Variants in COL4A6 observed in about 807,000 individuals in gnomAD.
COL4A6 encodes the protein collagen type IV alpha 6 chain.
In COL4A6, 59 loss-of-function variants were observed where a neutral mutation model predicts 126.7. The ratio of observed to expected loss-of-function variants is 0.47; its 90% CI spans 0.38 to 0.58. The LOEUF (loss-of-function observed/expected upper bound fraction) is 0.58. COL4A6 is among the 20% of genes least tolerant of loss of function. The pLI, the probability that COL4A6 is intolerant of heterozygous loss-of-function variation, is 0.00. For synonymous variants in COL4A6, 547 were observed against 496.6 expected (o/e 1.10, Z -1.35); for missense variants, 1,285 against 1,337.3 (o/e 0.96, Z 0.61).
chrX:108,260,706 G>C (rs1056652361), intron 3 of COL4A6, among the ~76,000 whole-genome samples: 2 of 110,509 alleles, frequency 1.8e-5, no homozygotes, highest in Admixed American at 9.7e-5. Flanking sequence ...GACTAATGCA[G>C]TAAACACGTT....
At chrX:108,315,344 C>T (rs1238224548) in intron 2 of COL4A6, among the ~76,000 whole-genome samples, 2 of 110,899 alleles carry the variant, frequency 1.8e-5, no homozygotes, top group Middle Eastern at 4.6e-3. Context: ...AGGTTCAAGC[C>T]ATTCTCTGCC....
Position 108,187,851 on chromosome X carries a change from A to G in COL4A6, c.1764T>C (p.Leu588=). 8.3e-7 allele frequency: 1 copy of G among 1,201,874 alleles called. No homozygotes were observed. The highest frequency in any genetic ancestry group is 1.8e-5 in the South Asian group (1 of 55,327). ...GVPGLPGLPG[L]PGDGGQGFPG... Reference sequence around the variant, plus strand: ...CACCTAGGAACGATCAACTTACCGGAAGGCCTGGCAGACCTGGTAAACCTG... The same window carrying G: ...CACCTAGGAACGATCAACTTACCGGGAGGCCTGGCAGACCTGGTAAACCTG... The change falls in exon 22 of 45, where the codon CTT becomes CTC. Residue 588 remains leucine, a synonymous_variant. Transcript: ENST00000334504.
At chrX:108,200,242 A>T (rs772348552) in intron 13 of COL4A6, among the ~76,000 whole-genome samples, 2 of 112,795 alleles carry the variant, frequency 1.8e-5, no homozygotes, top group South Asian at 7.3e-4. Flanking sequence ...TAAATGATAT[A>T]TTTTACTTAA....
At chrX:108,283,039 C>A (rs895732873) in intron 3 of COL4A6, among the ~76,000 whole-genome samples, 1 of 100,853 alleles carries the variant, frequency 9.9e-6, no homozygotes, top group Non-Finnish European at 2.0e-5. Context: ...GGAGATATAC[C>A]TAATGCTAAA....
intron 2 of COL4A6, among the ~76,000 whole-genome samples, chrX:108,337,610 T>C (rs2039463413): frequency 8.9e-6 from 1 of 112,798 alleles, no homozygotes. Flanking sequence ...CAGTATTTAT[T>C]AGCTGTGTAA....
chrX:108,164,831 G>A (rs1381369468), intron 39 of COL4A6, 46 bp downstream of exon 39: 12 of 1,188,749 alleles, frequency 1.0e-5, no homozygotes, highest in Non-Finnish European at 1.4e-5. Flanking sequence ...AAGGAGTCCT[G>A]GCCGTGGAGT....
intron 3 of COL4A6, among the ~76,000 whole-genome samples, chrX:108,267,403 C>G (rs2037336555): frequency 8.9e-6 from 1 of 112,262 alleles, no homozygotes; most frequent in Non-Finnish European, 1.9e-5. Flanking sequence ...ATGTGGACAT[C>G]TTTGAGAAGG....
intron 2 of COL4A6, among the ~76,000 whole-genome samples, chrX:108,424,496 T>A (rs1413134168): frequency 1.8e-5 from 2 of 111,709 alleles, no homozygotes; most frequent in Non-Finnish European, 3.8e-5. Flanking sequence ...CATTTTCTAC[T>A]ATTTCTTTAA....
chrX:108,199,980 G>A (rs765576116), intron 13 of COL4A6, among the ~76,000 whole-genome samples: 3 of 111,911 alleles, frequency 2.7e-5, no homozygotes, highest in Non-Finnish European at 5.6e-5. Context: ...CTCTTCACCC[G>A]TTGAGGCTGT....
At chrX:108,177,416 C>T (rs768727489) in intron 27 of COL4A6, among the ~76,000 whole-genome samples, 9 of 112,089 alleles carry the variant, frequency 8.0e-5, no homozygotes, top group East Asian at 2.8e-4. Context: ...CTGAGCCAAT[C>T]GGTGAAGTAG....
chrX:108,270,570 C>T (rs926331469), intron 3 of COL4A6, among the ~76,000 whole-genome samples: 13 of 112,075 alleles, frequency 1.2e-4, no homozygotes, highest in East Asian at 2.8e-4. Flanking sequence ...CCAGCAAACC[C>T]GCAGACTGGT....
chrX:108,308,562 G>A (rs1451119217), intron 3 of COL4A6, among the ~76,000 whole-genome samples: 1 of 111,969 alleles, frequency 8.9e-6, no homozygotes, highest in Non-Finnish European at 1.9e-5. Context: ...AATATGTCCA[G>A]GAAATTCACA....
intron 3 of COL4A6, among the ~76,000 whole-genome samples, chrX:108,278,141 A>G (rs775758048): frequency 1.8e-5 from 2 of 112,752 alleles, no homozygotes; most frequent in African/African-American, 6.4e-5. Flanking sequence ...AGCTGGACGG[A>G]GAATGCCTTT....
chrX:108,198,054 C>T (rs1260588537), intron 13 of COL4A6, among the ~76,000 whole-genome samples: 1 of 111,696 alleles, frequency 9.0e-6, no homozygotes, highest in Admixed American at 9.5e-5. Flanking sequence ...GAAGCCTTCT[C>T]TGACCTGTCC....
intron 2 of COL4A6, among the ~76,000 whole-genome samples, chrX:108,437,693 T>A (rs1342144984): frequency 1.8e-5 from 2 of 111,547 alleles, no homozygotes; most frequent in African/African-American, 6.5e-5. Context: ...AATGTGTGCA[T>A]CTTGTGTCTT....
chrX:108,319,219 A>T (rs1212343339), intron 2 of COL4A6, among the ~76,000 whole-genome samples: 6 of 112,222 alleles, frequency 5.3e-5, no homozygotes, highest in South Asian at 7.5e-4. Flanking sequence ...TCTACAAAAA[A>T]ATTAGACAGG....
chrX:108,367,732 A>T (rs933784287), intron 2 of COL4A6, among the ~76,000 whole-genome samples: 8 of 111,777 alleles, frequency 7.2e-5, no homozygotes, highest in Non-Finnish European at 1.5e-4. Flanking sequence ...CAACCTTCAG[A>T]TTGAAAAAAT....
chrX:108,343,175 T>TATA (rs1569434569), intron 2 of COL4A6, among the ~76,000 whole-genome samples: 11 of 96,117 alleles, frequency 1.1e-4, no homozygotes, highest in East Asian at 1.0e-3. Flanking sequence ...AGTGTGTGTG[T>TATA]GTGTGTGTGT....
chrX:108,187,819 A>T (rs766672508), intron 22 of COL4A6, 29 bp downstream of exon 22: 1 of 1,171,568 alleles, frequency 8.5e-7, no homozygotes, highest in Admixed American at 2.2e-5. Flanking sequence ...AGATCTGTAG[A>T]GCTAATCACC....
Sources: allele counts gnomAD v4.1 joint callset (sites outside exome capture counted in the v4.1 genomes callset), GRCh38; gene constraint gnomAD v4.1.1; transcripts MANE v1.5; gene names NCBI Gene and HGNC (gene_info 2026-07-23, HGNC 2026-07-21).